The following GABRB1 variants were observed in gnomAD, a reference collection of about 807,000 sequenced individuals.
GABRB1 encodes gamma-aminobutyric acid type A receptor subunit beta1, also known as gamma-aminobutyric acid receptor subunit beta-1.
Under a neutral mutation model 51.6 loss-of-function variants are expected in GABRB1, and 17 were observed. That is an observed-to-expected ratio of 0.33 (90% CI 0.23 to 0.49). The LOEUF is 0.49. Among genes scored for constraint, GABRB1 ranks in the 20% least tolerant of loss-of-function variants. The probability of loss-of-function intolerance (pLI) is 0.99; values close to 1 mark genes in which losing one functional copy is unlikely to be tolerated. For synonymous variants in GABRB1, 247 were observed against 218.9 expected, an observed-to-expected ratio of 1.13 and a Z score of -1.14; for missense variants, 410 against 600.6, an observed-to-expected ratio of 0.68 and a Z score of 3.32.
At chr4:47,161,825 T>C (rs1717968884) in intron 4 of GABRB1, among the ~76,000 whole-genome samples, 1 of 152,066 alleles carries the variant, frequency 6.6e-6, no homozygotes, top group African/African-American at 2.4e-5. Flanking sequence ...CAAATTTTCC[T>C]GTTGTTTCAG....
intron 3 of GABRB1, among the ~76,000 whole-genome samples, chr4:47,060,759 A>G (rs778292663): frequency 1.2e-4 from 18 of 152,314 alleles, no homozygotes; most frequent in Admixed American, 3.3e-4. Flanking sequence ...CAGTATGAAA[A>G]TAGCCTTAAA....
rs147529278 is a variant in GABRB1 at position 47,176,883 on chromosome 4, C to A, written c.461+15414C>A. Among the ~76,000 whole-genome samples, 771 of 152,190 alleles carry A rather than the reference C, an allele frequency of 5.1e-3. 11 individuals are homozygous for A. The highest frequency in any genetic ancestry group is 0.017 in the African/African-American group (703 of 41,550). Reference sequence around the variant, plus strand: ...TAACATATAATCATCACAATGATTTCTTAAGATAGACAGTCACATTTCATT... The same window carrying A: ...TAACATATAATCATCACAATGATTTATTAAGATAGACAGTCACATTTCATT... On this transcript the variant is annotated intron_variant, in intron 4 of 8. Transcript: ENST00000295454.
intron 4 of GABRB1, among the ~76,000 whole-genome samples, chr4:47,258,696 TTTTG>T (rs1722311496): frequency 6.6e-6 from 1 of 152,214 alleles, no homozygotes; most frequent in South Asian, 2.1e-4. Context: ...ATTCAGTATA[TTTTG>T]TTTATGGGCA....
chr4:47,351,331 AT>A (rs2109998753), intron 5 of GABRB1, among the ~76,000 whole-genome samples: 1 of 152,320 alleles, frequency 6.6e-6, no homozygotes, highest in South Asian at 2.1e-4. Context: ...CCCCCAAAAA[AT>A]ATCCAATCCA....
chr4:47,036,670 T>C (rs1725583749), intron 3 of GABRB1, among the ~76,000 whole-genome samples: 1 of 152,150 alleles, frequency 6.6e-6, no homozygotes, highest in Non-Finnish European at 1.5e-5. Flanking sequence ...AAGACTAGCC[T>C]GGCCAACATG....
At chr4:47,285,922 G>T (rs1433229401) in intron 4 of GABRB1, among the ~76,000 whole-genome samples, 1 of 152,186 alleles carries the variant, frequency 6.6e-6, no homozygotes, top group African/African-American at 2.4e-5. Context: ...GGAAAAGGGA[G>T]GAAGTAAGTT....
chr4:47,376,140 A>G (rs1256890928), intron 5 of GABRB1, among the ~76,000 whole-genome samples: 1 of 152,202 alleles, frequency 6.6e-6, no homozygotes, highest in Non-Finnish European at 1.5e-5. Context: ...AAATGTTCCC[A>G]AAGGAACATT....
At chr4:47,296,841 C>T (rs1353811544) in intron 4 of GABRB1, among the ~76,000 whole-genome samples, 6 of 152,132 alleles carry the variant, frequency 3.9e-5, no homozygotes, top group Non-Finnish European at 8.8e-5. Context: ...TATTCCAAAA[C>T]TGACCACACA....
At chr4:47,112,857 A>T (rs527567203) in intron 3 of GABRB1, among the ~76,000 whole-genome samples, 1 of 152,324 alleles carries the variant, frequency 6.6e-6, no homozygotes, top group South Asian at 2.1e-4. Flanking sequence ...GAAATTATAA[A>T]TATGTATAAT....
intron 3 of GABRB1, among the ~76,000 whole-genome samples, chr4:47,146,385 A>G (rs1717173213): frequency 6.6e-6 from 1 of 151,868 alleles, no homozygotes; most frequent in Admixed American, 6.6e-5. Context: ...AGAAAATTTC[A>G]GGCTTAAGTT....
At chr4:47,353,973 A>G (rs552760369) in intron 5 of GABRB1, among the ~76,000 whole-genome samples, 12 of 152,126 alleles carry the variant, frequency 7.9e-5, no homozygotes, top group Non-Finnish European at 1.3e-4. Context: ...TATCTCCCAA[A>G]TATTGATGAC....
intron 4 of GABRB1, among the ~76,000 whole-genome samples, chr4:47,249,125 T>C (rs1033915385): frequency 2.0e-5 from 3 of 152,032 alleles, no homozygotes; most frequent in Admixed American, 1.3e-4. Context: ...ACTCTTTCAG[T>C]CTTTTTGATG....
chr4:47,311,152 G>A (rs1392842180), intron 4 of GABRB1, among the ~76,000 whole-genome samples: 1 of 151,636 alleles, frequency 6.6e-6, no homozygotes, highest in Non-Finnish European at 1.5e-5. Flanking sequence ...CCAGCACTCT[G>A]GGAGGCCAAG....
chr4:47,278,239 T>C (rs1470337373), intron 4 of GABRB1, among the ~76,000 whole-genome samples: 1 of 152,210 alleles, frequency 6.6e-6, no homozygotes, highest in Non-Finnish European at 1.5e-5. Flanking sequence ...AGTGAGCACA[T>C]AATTACTACA....
chr4:47,299,840 C>G (rs1445446077), intron 4 of GABRB1, among the ~76,000 whole-genome samples: 2 of 151,684 alleles, frequency 1.3e-5, no homozygotes, highest in African/African-American at 4.8e-5. Context: ...GGAACCAACC[C>G]AAATGTCCAA....
intron 3 of GABRB1, among the ~76,000 whole-genome samples, chr4:47,047,509 T>C (rs1726151886): frequency 6.6e-6 from 1 of 152,144 alleles, no homozygotes; most frequent in African/African-American, 2.4e-5. Flanking sequence ...CCTAGATAAT[T>C]AGCTTCAGAG....
At chr4:47,118,330 G>A (rs553386197) in intron 3 of GABRB1, among the ~76,000 whole-genome samples, 1 of 152,160 alleles carries the variant, frequency 6.6e-6, no homozygotes, top group South Asian at 2.1e-4. Flanking sequence ...CTCATTCACA[G>A]GACTCAATGA....
chr4:47,322,733 G>A (rs111432960), intron 5 of GABRB1, among the ~76,000 whole-genome samples: 4,800 of 152,158 alleles, frequency 0.032, 296 homozygotes, highest in African/African-American at 0.11. Context: ...CACTTTGGAA[G>A]GCCAAGAAGG....
chr4:47,160,619 T>G (rs1477648493), intron 3 of GABRB1, among the ~76,000 whole-genome samples: 1 of 152,102 alleles, frequency 6.6e-6, no homozygotes, highest in East Asian at 1.9e-4. Context: ...TAGATTCCTC[T>G]GTACAATTTC....
Sources: allele counts gnomAD v4.1 joint callset (sites outside exome capture counted in the v4.1 genomes callset), GRCh38; gene constraint gnomAD v4.1.1; transcripts MANE v1.5; gene names NCBI Gene and HGNC (gene_info 2026-07-23, HGNC 2026-07-21).